C1orf21: variants seen among roughly 807,000 people sequenced by gnomAD.
The protein encoded by C1orf21 is chromosome 1 open reading frame 21, also known as uncharacterized protein C1orf21.
Under a neutral mutation model 18.7 loss-of-function variants are expected in C1orf21, and 3 were observed. The observed-to-expected ratio is 0.16, with a 90% CI of 0.07 to 0.42. The LOEUF is 0.42. C1orf21 is among the 10% of genes least tolerant of loss of function. The pLI, the probability that C1orf21 is intolerant of heterozygous loss-of-function variation, is 0.99. For missense variants in C1orf21, 104 were observed against 143.6 expected, an observed-to-expected ratio of 0.72 and a Z score of 1.41; for synonymous variants, 41 against 46.4, an observed-to-expected ratio of 0.88 and a Z score of 0.47.
At chr1:184,594,207 CT>C (rs1659483787) in intron 4 of C1orf21, among the ~76,000 whole-genome samples, 1 of 152,190 alleles carries the variant, frequency 6.6e-6, no homozygotes, top group South Asian at 2.1e-4. Context: ...TAGGATGAAT[CT>C]ACTTCCCTGA....
chr1:184,507,185 G>T (rs1571390798), intron 2 of C1orf21, among the ~76,000 whole-genome samples: 1 of 152,186 alleles, frequency 6.6e-6, no homozygotes, highest in East Asian at 1.9e-4. Context: ...GTTGGCACAG[G>T]CATTTTGGAC....
In C1orf21 at chr1:184,582,425, G is replaced by T. The variant is rs555970483; in HGVS notation, c.190-8314G>T. ...ACACACACATGCTCACAGTCTGTGT[G>T]CAGGGCACACCCTTTGAGAGTCCCA... is the stretch of plus-strand genomic sequence containing the variant. On this transcript the variant is annotated intron_variant, in intron 3 of 5. Coordinates refer to ENST00000235307, the MANE Select transcript of C1orf21 (RefSeq NM_030806.4). Among the ~76,000 whole-genome samples the T allele has an allele frequency of 5.3e-5, 8 of 152,334 alleles. No homozygotes were observed. The South Asian group carries it at 1.7e-3, about 32-fold the overall frequency.
intron 3 of C1orf21, among the ~76,000 whole-genome samples, chr1:184,575,035 G>A (rs1392485406): frequency 6.6e-6 from 1 of 152,130 alleles, no homozygotes; most frequent in African/African-American, 2.4e-5. Flanking sequence ...GAAACTCGGG[G>A]CTCAACACAC....
At chr1:184,470,814 G>A (rs1657484150) in intron 1 of C1orf21, among the ~76,000 whole-genome samples, 2 of 152,042 alleles carry the variant, frequency 1.3e-5, no homozygotes, top group South Asian at 2.1e-4. Context: ...AGGAGGTGGC[G>A]GTTGCAGTGA....
intron 3 of C1orf21, among the ~76,000 whole-genome samples, chr1:184,513,336 T>C (rs576327786): frequency 1.6e-4 from 24 of 152,202 alleles, no homozygotes; most frequent in Middle Eastern, 6.3e-3. Flanking sequence ...GGCAAAATCC[T>C]GGGAGGAAAC....
intron 5 of C1orf21, among the ~76,000 whole-genome samples, 189 bp downstream of exon 5, chr1:184,598,650 A>T (rs1394999935): frequency 5.9e-5 from 9 of 152,232 alleles, no homozygotes; most frequent in African/African-American, 2.2e-4. Flanking sequence ...TATAATAGAC[A>T]CTCCCAGGAC....
rs556610242 is a variant in C1orf21 at position 184,469,080 on chromosome 1, C to CA, written c.-124-8299dup. Among the ~76,000 whole-genome samples, 250 of 150,254 alleles carry CA rather than the reference C, an allele frequency of 1.7e-3. 1 individual carries two copies. The highest frequency in any genetic ancestry group is 5.0e-3 in the Admixed American group (75 of 15,072). On this transcript the variant is annotated intron_variant, in intron 1 of 5. Coordinates refer to ENST00000235307, the MANE Select transcript of C1orf21 (RefSeq NM_030806.4). The stretch of plus-strand genomic sequence containing the variant: ...TGAAACCCTGTCTCTACTAAAAATA[C>CA]AAAAAAAGAGAAAAAAAAAGTCAGC...
chr1:184,489,427 A>G (rs552253925), intron 2 of C1orf21, among the ~76,000 whole-genome samples: 1 of 152,350 alleles, frequency 6.6e-6, no homozygotes, highest in South Asian at 2.1e-4. Context: ...TTTACCCTTC[A>G]GATTGGGCAG....
intron 1 of C1orf21, among the ~76,000 whole-genome samples, chr1:184,398,506 A>G (rs1175576367): frequency 6.6e-6 from 1 of 152,204 alleles, no homozygotes; most frequent in Admixed American, 6.5e-5. Flanking sequence ...AGCAAATCAG[A>G]CATTGTATTA....
At chr1:184,587,583 G>T (rs1182968720) in intron 3 of C1orf21, among the ~76,000 whole-genome samples, 3 of 147,674 alleles carry the variant, frequency 2.0e-5, no homozygotes, top group African/African-American at 7.5e-5. Context: ...GAATGGGACT[G>T]CATTCCTAAT....
At chr1:184,493,563 G>A (rs1031987714) in intron 2 of C1orf21, among the ~76,000 whole-genome samples, 9 of 152,160 alleles carry the variant, frequency 5.9e-5, no homozygotes, top group Non-Finnish European at 1.5e-5. Context: ...TCCAGCTATA[G>A]ATATGCATGC....
intron 1 of C1orf21, among the ~76,000 whole-genome samples, chr1:184,395,960 T>C (rs902938850): frequency 1.3e-5 from 2 of 152,196 alleles, no homozygotes; most frequent in African/African-American, 4.8e-5. Context: ...TTTATTTTAC[T>C]GTACACTCAT....
intron 3 of C1orf21, among the ~76,000 whole-genome samples, chr1:184,527,770 G>A (rs1196775452): frequency 6.6e-6 from 1 of 152,136 alleles, no homozygotes; most frequent in Non-Finnish European, 1.5e-5. Context: ...ACTTTTCTGA[G>A]TCCTCAGGAA....
At chr1:184,572,937 C>A (rs916710907) in intron 3 of C1orf21, among the ~76,000 whole-genome samples, 2 of 136,820 alleles carry the variant, frequency 1.5e-5, no homozygotes, top group Non-Finnish European at 3.0e-5. Flanking sequence ...GGAGACAGAG[C>A]GAGACTCCTT....
intron 1 of C1orf21, among the ~76,000 whole-genome samples, chr1:184,475,211 A>C (rs1264135226): frequency 6.6e-6 from 1 of 152,146 alleles, no homozygotes; most frequent in Non-Finnish European, 1.5e-5. Flanking sequence ...ATATTTTCTC[A>C]CAGTGTGCTC....
chr1:184,504,053 G>T (rs1658015766), intron 2 of C1orf21, among the ~76,000 whole-genome samples: 1 of 152,058 alleles, frequency 6.6e-6, no homozygotes, highest in Non-Finnish European at 1.5e-5. Context: ...TTTGATCAAT[G>T]CCACTGAACA....
rs1207159727 is a variant in C1orf21, at chr1:184,627,801, T to A, written c.*8245T>A. 6.6e-6 allele frequency: 1 copy of A among 152,176 alleles called. No individual in the cohort carries two copies. Among genetic ancestry groups the A allele is most frequent in the Non-Finnish European group, 1.5e-5 (1 of 68,030 alleles). The allele number at this position is 152,176 out of a possible 1,614,324, so 9.4% of individuals were successfully genotyped here. A position where few individuals can be genotyped will look rare whatever the true frequency, so the allele number is the denominator to read the frequency against. On this transcript the variant is annotated 3_prime_UTR_variant, in exon 6 of 6. Coordinates refer to ENST00000235307, the MANE Select transcript of C1orf21 (RefSeq NM_030806.4). ...AAACTAGAGCCCCTGGCAGGTCCCC[T>A]TAGGGCCATGTGTTCATGGAATATA...
chr1:184,492,285 C>T (rs910302960), intron 2 of C1orf21, among the ~76,000 whole-genome samples: 3 of 152,164 alleles, frequency 2.0e-5, no homozygotes, highest in East Asian at 1.9e-4. Context: ...CTGGTTTCTG[C>T]GTCTTGGGAG....
intron 3 of C1orf21, among the ~76,000 whole-genome samples, chr1:184,523,129 T>C (rs1408787978): frequency 6.6e-6 from 1 of 152,222 alleles, no homozygotes; most frequent in African/African-American, 2.4e-5. Context: ...TAGTCTACCC[T>C]TGAGGAGGTG....
Sources: allele counts gnomAD v4.1 joint callset (sites outside exome capture counted in the v4.1 genomes callset), GRCh38; gene constraint gnomAD v4.1.1; transcripts MANE v1.5; gene names NCBI Gene and HGNC (gene_info 2026-07-23, HGNC 2026-07-21).